Variants in TPD52 observed in about 807,000 individuals in gnomAD.
The protein encoded by TPD52 is tumor protein D52.
In TPD52, 17 loss-of-function variants were observed where a neutral mutation model predicts 31.3. The observed-to-expected ratio is 0.54, with a 90% confidence interval of 0.37 to 0.82. The LOEUF (loss-of-function observed/expected upper bound fraction) is 0.82, where lower values mean the gene tolerates loss of function less well. Among genes scored for constraint, TPD52 ranks in the 40% least tolerant of loss-of-function variants. The pLI is 0.00. For synonymous variants in TPD52, 83 were observed against 89.6 expected (o/e 0.93, Z 0.42); for missense variants, 212 against 240.1 (o/e 0.88, Z 0.77).
At chr8:80,143,527 C>T (rs962341573) in intron 1 of TPD52, among the ~76,000 whole-genome samples, 1 of 152,076 alleles carries the variant, frequency 6.6e-6, no homozygotes, top group Admixed American at 6.5e-5. Flanking sequence ...CAGCACCACC[C>T]TATATATTAA....
chr8:80,080,882 A>C (rs1053513142), intron 1 of TPD52: 5 of 515,822 alleles, frequency 9.7e-6, no homozygotes, highest in Admixed American at 1.3e-4. Flanking sequence ...TAAATAAAAA[A>C]ATCAGCTGAC....
At chr8:80,142,825 G>A (rs1038208393) in intron 1 of TPD52, among the ~76,000 whole-genome samples, 7 of 152,192 alleles carry the variant, frequency 4.6e-5, no homozygotes, top group Admixed American at 3.3e-4. Context: ...TAGAAACTCT[G>A]ACTTGACGAC....
At chr8:80,127,751 C>T (rs1808714826) in intron 1 of TPD52, 1 of 150,582 alleles carries the variant, frequency 6.6e-6, no homozygotes, top group South Asian at 2.1e-4. Flanking sequence ...AATCTAGAAC[C>T]TGACAAATAC....
intron 2 of TPD52, among the ~76,000 whole-genome samples, chr8:80,053,709 C>T (rs1811592745): frequency 6.6e-6 from 1 of 152,058 alleles, no homozygotes; most frequent in Non-Finnish European, 1.5e-5. Flanking sequence ...TCAGCTATCT[C>T]ATGTAGGTTT....
intron 2 of TPD52, among the ~76,000 whole-genome samples, chr8:80,058,258 TA>T (rs1196590810): frequency 6.6e-6 from 1 of 152,190 alleles, no homozygotes; most frequent in Admixed American, 6.5e-5. Flanking sequence ...CCTAAAGCGC[TA>T]ATTAAAGAAG....
At chr8:80,145,426 C>T (rs926120274) in intron 1 of TPD52, among the ~76,000 whole-genome samples, 4 of 152,212 alleles carry the variant, frequency 2.6e-5, no homozygotes, top group African/African-American at 9.7e-5. Flanking sequence ...CTATGTGCTA[C>T]TGAAGAAGCT....
rs1809897077 is a variant in TPD52 at position 80,036,225 on chromosome 8, T to G, written c.*1891A>C. 1.3e-5 allele frequency: 2 copies of G among 152,482 alleles called. No individual in the cohort carries two copies. Among genetic ancestry groups the G allele is most frequent in the Admixed American group, 1.3e-4 (2 of 15,286 alleles). The allele number at this position is 152,482 out of a possible 1,614,324, so 9.4% of individuals were successfully genotyped here. A position where few individuals can be genotyped will look rare whatever the true frequency, so the allele number is the denominator to read the frequency against. On this transcript the variant is annotated 3_prime_UTR_variant, in exon 8 of 8. Transcript: ENST00000518937. Reference sequence around the variant, plus strand: ...TTCACTCATCTAAAGAAATTGCCACTTTACTCCATTTTGCCTTGTTGAAAA... The same window carrying G: ...TTCACTCATCTAAAGAAATTGCCACGTTACTCCATTTTGCCTTGTTGAAAA...
At chr8:80,094,427 A>ATT (rs1202833403) in intron 1 of TPD52, among the ~76,000 whole-genome samples, 6 of 90,680 alleles carry the variant, frequency 6.6e-5, no homozygotes, top group Admixed American at 1.4e-4. Flanking sequence ...ACAAAAGAAA[A>ATT]TTTTATATAT....
At chr8:80,166,734 T>C (rs1175424641) in intron 1 of TPD52, among the ~76,000 whole-genome samples, 1 of 151,472 alleles carries the variant, frequency 6.6e-6, no homozygotes, top group East Asian at 2.0e-4. Context: ...TGAAACCCCA[T>C]CTCTACTAAA....
intron 1 of TPD52, among the ~76,000 whole-genome samples, chr8:80,133,223 T>A (rs925889136): frequency 6.6e-6 from 1 of 152,142 alleles, no homozygotes; most frequent in Non-Finnish European, 1.5e-5. Context: ...TAATGTGTGT[T>A]CCCTTTACCT....
At chr8:80,149,971 A>G (rs962523572) in intron 1 of TPD52, among the ~76,000 whole-genome samples, 2 of 152,234 alleles carry the variant, frequency 1.3e-5, no homozygotes, top group Non-Finnish European at 2.9e-5. Context: ...ACAAACATAA[A>G]GACAATGGGG....
chr8:80,142,885 C>T (rs530854606), intron 1 of TPD52, among the ~76,000 whole-genome samples: 3 of 152,310 alleles, frequency 2.0e-5, no homozygotes, highest in African/African-American at 7.2e-5. Context: ...ACCTCGCACA[C>T]ACATTCATGT....
rs111340419 is a variant in TPD52, at chr8:80,036,850, T to C, written c.*1266A>G. 3.7e-4 allele frequency: 57 copies of C among 152,580 alleles called. No individual in the cohort carries two copies. The highest frequency in any genetic ancestry group is 2.5e-4 in the Non-Finnish European group (17 of 68,008). 9.5% of individuals were successfully genotyped at this position (152,580 alleles called of 1,614,324 possible). A position where few individuals can be genotyped will look rare whatever the true frequency, so the allele number is the denominator to read the frequency against. On this transcript the variant is annotated 3_prime_UTR_variant, in exon 8 of 8. Transcript: ENST00000518937. ...ATAAACAATAATAAAACAATCACAA[T>C]TTAATAAATAACAAATACAACATTG...
chr8:80,064,030 G>A (rs1472404344), intron 2 of TPD52, among the ~76,000 whole-genome samples: 1 of 144,008 alleles, frequency 6.9e-6, no homozygotes, highest in African/African-American at 2.6e-5. Context: ...AAGGGAGAGA[G>A]GGGAGGGAAG....
chr8:80,081,505 C>T (rs1815285790), intron 1 of TPD52, among the ~76,000 whole-genome samples: 1 of 151,566 alleles, frequency 6.6e-6, no homozygotes, highest in Non-Finnish European at 1.5e-5. Context: ...TTCAGGTGGG[C>T]AATGATCTGT....
In TPD52 at chr8:80,110,128, G is replaced by A. The variant is rs553267284; in HGVS notation, c.20-45535C>T. Among the ~76,000 whole-genome samples the A allele has an allele frequency of 4.6e-5, 7 of 152,228 alleles. No homozygotes were observed. In the South Asian group the frequency reaches 6.2e-4, roughly 14 times the overall value. ...TAATCACCCTCTGGACTCAGAGACC[G>A]AATTTATGATTTGTTCTTATCATTA... On this transcript the variant is annotated intron_variant, in intron 1 of 7. Coordinates refer to ENST00000518937, the MANE Select transcript of TPD52 (RefSeq NM_001025253.3).
At chr8:80,105,642 G>A (rs1807048009) in intron 1 of TPD52, among the ~76,000 whole-genome samples, 1 of 151,804 alleles carries the variant, frequency 6.6e-6, no homozygotes, top group African/African-American at 2.4e-5. Flanking sequence ...TTTGTCTGCG[G>A]CTCGTCCTGC....
intron 1 of TPD52, among the ~76,000 whole-genome samples, chr8:80,122,131 T>C (rs1438749189): frequency 6.6e-6 from 1 of 152,086 alleles, no homozygotes; most frequent in African/African-American, 2.4e-5. Context: ...AAAAGTTCTC[T>C]CAAGAGAACA....
chr8:80,086,877 C>CAAAAAAAAAAAAAAAAA (rs58864911), intron 1 of TPD52, among the ~76,000 whole-genome samples: 1 of 76,564 alleles, frequency 1.3e-5, no homozygotes, highest in Non-Finnish European at 2.4e-5. Context: ...GCTGTCTCAA[C>CAAAAAAAAAAAAAAAAA]AAAAAAAAAA....
Sources: allele counts gnomAD v4.1 joint callset (sites outside exome capture counted in the v4.1 genomes callset), GRCh38; gene constraint gnomAD v4.1.1; transcripts MANE v1.5; gene names NCBI Gene and HGNC (gene_info 2026-07-23, HGNC 2026-07-21).